The following NSD1 variants were observed in gnomAD, a reference collection of about 807,000 sequenced individuals.
NSD1 encodes the protein histone-lysine N-methyltransferase, H3 lysine-36 specific.
Under a neutral mutation model 242.7 loss-of-function variants are expected in NSD1, and 26 were observed. The ratio of observed to expected loss-of-function variants is 0.11; its 90% CI spans 0.08 to 0.15. The LOEUF is 0.15. NSD1 is among the 10% of genes least tolerant of loss of function. NSD1 has a pLI of 1.00. For missense variants in NSD1, 2,495 were observed against 3,272.8 expected (o/e 0.76, Z 5.80); for synonymous variants, 1,106 against 1,178.1 (o/e 0.94, Z 1.25).
At chr5:177,254,055 C>T (rs568412370) in intron 12 of NSD1, among the ~76,000 whole-genome samples, 2 of 152,280 alleles carry the variant, frequency 1.3e-5, no homozygotes, top group South Asian at 4.1e-4. Flanking sequence ...TCAAGCAAGT[C>T]TCCTGCCTCA....
chr5:177,263,470 T>TAAGC (rs1581476690), intron 14 of NSD1, among the ~76,000 whole-genome samples: 1 of 152,232 alleles, frequency 6.6e-6, no homozygotes, highest in East Asian at 1.9e-4. Flanking sequence ...CCAATACAAG[T>TAAGC]AAGCAGTCAT....
intron 2 of NSD1, among the ~76,000 whole-genome samples, chr5:177,138,081 A>G (rs1428475017): frequency 6.9e-6 from 1 of 143,894 alleles, no homozygotes; most frequent in Non-Finnish European, 1.5e-5. Context: ...GTCTCAAAAA[A>G]AAAAACAACA....
At chr5:177,285,760 C>T (rs1259043451) in intron 20 of NSD1, among the ~76,000 whole-genome samples, 2 of 152,082 alleles carry the variant, frequency 1.3e-5, no homozygotes, top group East Asian at 1.9e-4. Context: ...ACTGTTGAAG[C>T]AGAATCCCAT....
intron 5 of NSD1, among the ~76,000 whole-genome samples, chr5:177,218,147 A>G (rs765967949): frequency 3.3e-5 from 5 of 152,132 alleles, no homozygotes; most frequent in African/African-American, 4.8e-5. Flanking sequence ...TTCTGAGCTC[A>G]AGTGATCCTC....
intron 2 of NSD1, among the ~76,000 whole-genome samples, chr5:177,165,894 G>C (rs976967518): frequency 6.7e-6 from 1 of 150,026 alleles, no homozygotes; most frequent in Non-Finnish European, 1.5e-5. Flanking sequence ...CATGATCGCT[G>C]CTCCCAGCCC....
intron 20 of NSD1, among the ~76,000 whole-genome samples, chr5:177,288,047 C>T (rs1366082473): frequency 6.6e-6 from 1 of 152,174 alleles, no homozygotes. Flanking sequence ...GATAGGCAAC[C>T]TCTTCACATA....
chr5:177,208,911 G>A (rs1054141046), intron 4 of NSD1, among the ~76,000 whole-genome samples: 8 of 151,928 alleles, frequency 5.3e-5, no homozygotes, highest in African/African-American at 1.9e-4. Flanking sequence ...GGCCAGGGTT[G>A]TCTTGAACTC....
At chr5:177,223,005 G>T (rs1256858597) in intron 5 of NSD1, among the ~76,000 whole-genome samples, 1 of 151,728 alleles carries the variant, frequency 6.6e-6, no homozygotes, top group Non-Finnish European at 1.5e-5. Flanking sequence ...TTTGTATATG[G>T]TGTGAGTGAG....
At chr5:177,266,688 C>T in intron 14 of NSD1, 1 of 304,692 alleles carries the variant, frequency 3.3e-6, no homozygotes, top group Non-Finnish European at 6.0e-6. Context: ...ACAAGATTAA[C>T]TCGGATATAT....
chr5:177,158,487 G>A (rs1483802323), intron 2 of NSD1, among the ~76,000 whole-genome samples: 2 of 150,722 alleles, frequency 1.3e-5, no homozygotes, highest in African/African-American at 4.9e-5. Flanking sequence ...ACAGGCGCCC[G>A]CCACCACGCC....
chr5:177,135,255 C>G lies in NSD1; in HGVS notation c.152C>G (p.Ser51Trp), dbSNP rs1756215957. The G allele has an allele frequency of 6.2e-7, 1 of 1,613,574 alleles. No individual in the cohort carries two copies. Among genetic ancestry groups the G allele is most frequent in the Non-Finnish European group, 8.5e-7 (1 of 1,179,638 alleles). ...CTTAATGGGTGTACTATGCAGTTAT[C>G]GACTGTCAGTGGAACATCCCAAAAT... ...EPLNGCTMQLSTVSGTSQNAY... is the reference protein window; with the variant it reads ...EPLNGCTMQLWTVSGTSQNAY... Residue 51 changes from serine (S) to tryptophan (W), a missense_variant, in exon 2 of 23, where the codon TCG becomes TGG. Physicochemically the swap from Ser to Trp is radical, Grantham distance 177. Transcript: ENST00000439151.
chr5:177,226,042 CA>C (rs1764603889), intron 5 of NSD1, among the ~76,000 whole-genome samples: 1 of 152,066 alleles, frequency 6.6e-6, no homozygotes, highest in African/African-American at 2.4e-5. Flanking sequence ...CAGAGTGTGC[CA>C]TAGTTTTTCG....
At chr5:177,273,913 A>G in intron 17 of NSD1, 129 bp downstream of exon 17, 1 of 682,502 alleles carries the variant, frequency 1.5e-6, no homozygotes, top group Non-Finnish European at 2.6e-6. Context: ...GCTTAAAAGA[A>G]GATCAGAAAT....
At chr5:177,284,566 C>A (rs1311985648) in intron 20 of NSD1, among the ~76,000 whole-genome samples, 1 of 152,218 alleles carries the variant, frequency 6.6e-6, no homozygotes, top group Non-Finnish European at 1.5e-5. Flanking sequence ...GGATTACAGG[C>A]ATGAGCCACC....
chr5:177,135,035 C>A, intron 1 of NSD1, 52 bp from the exon 2 acceptor site: 1 of 1,490,366 alleles, frequency 6.7e-7, no homozygotes, highest in Non-Finnish European at 9.4e-7. Context: ...TTTAAAGAGT[C>A]GAGTCAGATG....
chr5:177,170,680 T>G (rs559784988), intron 2 of NSD1, among the ~76,000 whole-genome samples: 1 of 152,176 alleles, frequency 6.6e-6, no homozygotes, highest in African/African-American at 2.4e-5. Flanking sequence ...TTTTGGAAAG[T>G]GTACGTGACT....
intron 2 of NSD1, among the ~76,000 whole-genome samples, chr5:177,138,902 G>A (rs964113857): frequency 6.7e-6 from 1 of 149,964 alleles, no homozygotes; most frequent in African/African-American, 2.4e-5. Context: ...GCCTCCCAAA[G>A]TGCTGGGATT....
intron 2 of NSD1, among the ~76,000 whole-genome samples, chr5:177,151,175 G>C (rs958927981): frequency 2.0e-5 from 3 of 152,124 alleles, no homozygotes; most frequent in Admixed American, 6.5e-5. Context: ...GCCAGGAGTC[G>C]AGACCAGCCT....
At position 177,209,978 on chromosome 5, in the gene NSD1, G is replaced by A. The variant is rs1488271424; in HGVS notation, c.1579G>A (p.Gly527Arg). 16 of 1,613,966 alleles carry A rather than the reference G, an allele frequency of 9.9e-6. No homozygotes were observed. The highest frequency in any genetic ancestry group is 1.4e-5 in the Non-Finnish European group (16 of 1,180,018). ...QFEAHKDERR[G>R]KIPENLGLNF... is the part of the protein sequence containing the mutation. ...TGAAGCACATAAAGATGAACGGAGG[G>A]GAAAGATTCCAGAGAACCTTGGCCT... is the stretch of plus-strand genomic sequence containing the variant. The change falls in exon 5 of 23, where the codon GGA (glycine) becomes AGA (arginine). Residue 527 changes from glycine (G) to arginine (R), a missense_variant. Gly to Arg is a moderately radical substitution (Grantham distance 125, BLOSUM62 -2). Coordinates refer to ENST00000439151, the MANE Select transcript of NSD1 (RefSeq NM_022455.5).
Sources: gnomAD v4.1 joint callset for allele counts (sites outside exome capture counted in the v4.1 genomes callset) on GRCh38, gnomAD v4.1.1 for gene constraint, MANE v1.5 for transcripts, NCBI Gene and HGNC (gene_info 2026-07-23, HGNC 2026-07-21) for gene names.